ATP11C: variants seen among roughly 807,000 people sequenced by gnomAD.
ATP11C encodes phospholipid-transporting ATPase IG.
In ATP11C, 36 loss-of-function variants were observed where a neutral mutation model predicts 97.4. The ratio of observed to expected loss-of-function variants is 0.37; its 90% CI spans 0.28 to 0.49. ATP11C has a LOEUF of 0.49. Among genes scored for constraint, ATP11C ranks in the 20% least tolerant of loss-of-function variants. ATP11C has a pLI of 0.98. For synonymous variants in ATP11C, 275 were observed against 290.9 expected (o/e 0.95, Z 0.56); for missense variants, 730 against 824.6 (o/e 0.89, Z 1.40).
chrX:139,925,252 CA>C lies in ATP11C; in HGVS notation c.27+6763del, dbSNP rs755518182. On this transcript the variant is annotated intron_variant, in intron 1 of 29. Coordinates refer to ENST00000682941, the MANE Select transcript of ATP11C (RefSeq NM_001353812.2). ...ACCCAAGACTTGGATTCAGTAAGTT[CA>C]AGGCCCAGGAATCTGTATTTATAGT... 4.5e-5 allele frequency among the ~76,000 whole-genome samples: 5 copies of C among 111,975 alleles called. No homozygotes were observed. The South Asian group carries it at 1.9e-3, about 42-fold the overall frequency.
chrX:139,818,871 G>A lies in ATP11C; in HGVS notation c.237+467C>T, dbSNP rs760467698. Among the ~76,000 whole-genome samples the A allele has an allele frequency of 2.0e-3, 222 of 112,285 alleles. 1 individual carries two copies. Among genetic ancestry groups the A allele is most frequent in the African/African-American group, 7.0e-3 (218 of 31,003 alleles). ...CACAAAACAGTAGAAAGAATACAGA[G>A]AAGCAGATTGATCTAACTAGGCTCT... On this transcript the variant is annotated intron_variant, in intron 3 of 29. Transcript: ENST00000682941.
chrX:139,908,588 A>G (rs778136774), intron 1 of ATP11C, among the ~76,000 whole-genome samples: 68 of 112,409 alleles, frequency 6.0e-4, no homozygotes, highest in Non-Finnish European at 9.2e-4. Context: ...AAGATGTTGC[A>G]TGTTTAAGTA....
chrX:139,817,987 C>A (rs1272845931), intron 3 of ATP11C, among the ~76,000 whole-genome samples: 2 of 111,386 alleles, frequency 1.8e-5, no homozygotes, highest in East Asian at 5.7e-4. Flanking sequence ...CTCTGCCATA[C>A]ACCCTGTGTT....
chrX:139,761,122 A>C (rs545775707), intron 22 of ATP11C, among the ~76,000 whole-genome samples: 1 of 110,474 alleles, frequency 9.1e-6, no homozygotes, highest in South Asian at 4.0e-4. Context: ...TGTCTCTATT[A>C]AAAACACAAA....
intron 1 of ATP11C, among the ~76,000 whole-genome samples, chrX:139,853,205 TAGGGGAAGAGGAAGGAG>T (rs1389463821): frequency 9.1e-6 from 1 of 110,416 alleles, no homozygotes; most frequent in Non-Finnish European, 1.9e-5. Context: ...GTCCCTCCCC[TAGGGGAAGAGGAAGGAG>T]AGGGGAGAAC....
At chrX:139,913,352 C>G (rs961737689) in intron 1 of ATP11C, among the ~76,000 whole-genome samples, 1 of 111,371 alleles carries the variant, frequency 9.0e-6, no homozygotes, top group Non-Finnish European at 1.9e-5. Context: ...GCATAGTTAC[C>G]AACCAAGGCA....
intron 28 of ATP11C, chrX:139,737,600 C>A: frequency 5.8e-6 from 1 of 173,769 alleles, no homozygotes; most frequent in South Asian, 1.6e-4. Context: ...GTGGAAATTC[C>A]TGGTGTGAAA....
chrX:139,856,858 A>G (rs2084098469), intron 1 of ATP11C, among the ~76,000 whole-genome samples: 1 of 112,172 alleles, frequency 8.9e-6, no homozygotes, highest in African/African-American at 3.2e-5. Flanking sequence ...GGCTTGGGAA[A>G]ATAGGACAGC....
At chrX:139,791,497 C>A (rs1193091528) in intron 12 of ATP11C, among the ~76,000 whole-genome samples, 1 of 111,862 alleles carries the variant, frequency 8.9e-6, no homozygotes, top group Non-Finnish European at 1.9e-5. Context: ...TACCCAAATG[C>A]AGTAATTATC....
At chrX:139,805,553 A>G (rs1267440262) in intron 5 of ATP11C, among the ~76,000 whole-genome samples, 1 of 112,171 alleles carries the variant, frequency 8.9e-6, no homozygotes, top group Non-Finnish European at 1.9e-5. Context: ...TTTTTTGGAA[A>G]GATATAAGAA....
chrX:139,802,352 A>G lies in ATP11C; in HGVS notation c.556-13T>C. 3 of 1,127,490 alleles carry G rather than the reference A, an allele frequency of 2.7e-6. No homozygotes were observed. Among genetic ancestry groups the G allele is most frequent in the Non-Finnish European group, 3.6e-6 (3 of 825,232 alleles). The allele number at this position is 1,127,490 out of a possible 1,213,427, so 92.9% of individuals were successfully genotyped here. A position where few individuals can be genotyped will look rare whatever the true frequency, so the allele number is the denominator to read the frequency against. ...CTGCATAATGTGTCTAGTTGAAAGC[A>G]GAAGAAAAAGTGAAAACCAAAAAAA... On this transcript the variant is annotated splice_polypyrimidine_tract_variant and intron_variant, in intron 6 of 29. Transcript: ENST00000682941.
At chrX:139,789,273 G>A in intron 13 of ATP11C, 54 bp downstream of exon 13, 1 of 965,177 alleles carries the variant, frequency 1.0e-6, no homozygotes, top group Non-Finnish European at 1.4e-6. Context: ...ACTATGGAAT[G>A]TTAACATGCA....
intron 1 of ATP11C, among the ~76,000 whole-genome samples, chrX:139,840,084 T>TGAGCA (rs1342923335): frequency 8.9e-6 from 1 of 111,924 alleles, no homozygotes; most frequent in Non-Finnish European, 1.9e-5. Context: ...GAATTTACAA[T>TGAGCA]GAGCAAAGCA....
intron 1 of ATP11C, among the ~76,000 whole-genome samples, chrX:139,872,003 T>C (rs5953795): frequency 0.055 from 6,047 of 110,906 alleles, 402 homozygotes; most frequent in African/African-American, 0.19. Context: ...GATTTTATCA[T>C]TAGGTAAAAA....
intron 23 of ATP11C, among the ~76,000 whole-genome samples, chrX:139,753,738 G>A (rs1434987040): frequency 9.0e-6 from 1 of 111,464 alleles, no homozygotes; most frequent in African/African-American, 3.3e-5. Context: ...GAACCCAGGA[G>A]GTGGAGGTGG....
At chrX:139,766,487 A>C (rs538556078) in intron 20 of ATP11C, among the ~76,000 whole-genome samples, 1 of 112,013 alleles carries the variant, frequency 8.9e-6, no homozygotes, top group Admixed American at 9.5e-5. Context: ...GGGCCAAGAA[A>C]GTTTTACAAG....
intron 1 of ATP11C, among the ~76,000 whole-genome samples, chrX:139,840,849 C>CAA (rs113679557): frequency 8.2e-4 from 83 of 100,712 alleles, no homozygotes; most frequent in African/African-American, 2.9e-3. Flanking sequence ...AAGTCTCATA[C>CAA]AAAAAAAAAA....
At chrX:139,769,247 T>C (rs774602405) in intron 19 of ATP11C, among the ~76,000 whole-genome samples, 3 of 85,998 alleles carry the variant, frequency 3.5e-5, no homozygotes, top group East Asian at 4.2e-4. Flanking sequence ...CCTAGCAATA[T>C]AGGGAAAAGA....
chrX:139,755,168 G>T (rs1013427642), intron 23 of ATP11C, among the ~76,000 whole-genome samples: 6 of 111,649 alleles, frequency 5.4e-5, no homozygotes, highest in Admixed American at 1.9e-4. Context: ...ACAAAAATCA[G>T]TAGCAATCCT....
Sources: gnomAD v4.1 joint callset for allele counts (sites outside exome capture counted in the v4.1 genomes callset) on GRCh38, gnomAD v4.1.1 for gene constraint, MANE v1.5 for transcripts, NCBI Gene and HGNC (gene_info 2026-07-23, HGNC 2026-07-21) for gene names.